Variants in OR8K3 observed in about 807,000 individuals in gnomAD.
OR8K3 encodes the protein olfactory receptor 8K3.
For missense variants in OR8K3, 448 were observed against 367.4 expected (o/e 1.22, Z -1.79); for synonymous variants, 167 against 138.8 (o/e 1.20, Z -1.43).
rs188611426 is a variant in OR8K3 at position 56,316,388 on chromosome 11, T to A, written c.-24+331T>A. On this transcript the variant is annotated intron_variant, in intron 2 of 2. Coordinates refer to ENST00000641662, the MANE Select transcript of OR8K3 (RefSeq NM_001005202.2). ...TCACTATAATTTTCATTGTAAAAAC[T>A]ATTTTCTTTCTTTTCTTTTTTCAAA... Among the ~76,000 whole-genome samples the A allele has an allele frequency of 6.6e-5, 10 of 151,340 alleles. No homozygotes were observed. The East Asian group carries it at 1.9e-3, about 29-fold the overall frequency.
Position 56,319,137 on chromosome 11 carries a change from C to T in OR8K3, c.831C>T (p.Tyr277=), listed in dbSNP as rs1854490527. The T allele has an allele frequency of 1.2e-6, 2 of 1,613,510 alleles. No individual in the cohort carries two copies. Among genetic ancestry groups the T allele is most frequent in the Non-Finnish European group, 1.7e-6 (2 of 1,179,420 alleles). ...FDTDKVASIF[Y]TLVIPMLNPL... ...CTGATAAAGTGGCTTCCATATTTTA[C>T]ACCCTGGTTATCCCCATGTTGAATC... is the stretch of plus-strand genomic sequence containing the variant. The change falls in exon 3 of 3, where the codon TAC becomes TAT. Residue 277 remains tyrosine, a synonymous_variant. Coordinates refer to ENST00000641662, the MANE Select transcript of OR8K3 (RefSeq NM_001005202.2).
At position 56,318,807 on chromosome 11, in the gene OR8K3, C is replaced by A; in HGVS notation, c.501C>A (p.Ser167=). The change falls in exon 3 of 3, where the codon TCC becomes TCA. Residue 167 remains serine (S), a synonymous_variant. Transcript: ENST00000641662. The part of the protein sequence containing the change: ...LLVTIKIFTL[S]FCGYNVISHF... Reference sequence around the variant, plus strand: ...TCACCATAAAGATTTTTACTTTATCCTTCTGTGGCTACAACGTCATTAGTC... The same window carrying A: ...TCACCATAAAGATTTTTACTTTATCATTCTGTGGCTACAACGTCATTAGTC... The A allele has an allele frequency of 6.2e-7, 1 of 1,614,014 alleles. No individual in the cohort carries two copies. The highest frequency in any genetic ancestry group is 1.1e-5 in the South Asian group (1 of 91,078).
chr11:56,316,888 ATT>A (rs957673028), intron 2 of OR8K3, among the ~76,000 whole-genome samples: 1 of 152,034 alleles, frequency 6.6e-6, no homozygotes, highest in Non-Finnish European at 1.5e-5. Flanking sequence ...TCTCAATTAT[ATT>A]GAGAATAAAA....
At chr11:56,316,527 A>G (rs1854445522) in intron 2 of OR8K3, among the ~76,000 whole-genome samples, 1 of 151,898 alleles carries the variant, frequency 6.6e-6, no homozygotes, top group Non-Finnish European at 1.5e-5. Flanking sequence ...GGATATTTAG[A>G]TATATATTTA....
chr11:56,318,197 G>C, intron 2 of OR8K3, 87 bp from the exon 3 acceptor site: 2 of 636,250 alleles, frequency 3.1e-6, no homozygotes, highest in South Asian at 4.6e-5. Flanking sequence ...GTGAAATTTA[G>C]GTATATCTTC....
intron 2 of OR8K3, 139 bp from the exon 3 acceptor site, chr11:56,318,145 T>C (rs906302891): frequency 5.5e-6 from 3 of 543,698 alleles, no homozygotes; most frequent in Middle Eastern, 3.8e-4. Context: ...TATTTAAACA[T>C]GTTTTTATTT....
In OR8K3 at chr11:56,320,170, G is replaced by A. The variant is rs1854506670; in HGVS notation, c.*925G>A. 1.3e-5 allele frequency: 2 copies of A among 152,190 alleles called. No individual in the cohort carries two copies. The highest frequency in any genetic ancestry group is 4.8e-5 in the African/African-American group (2 of 41,456). 9.4% of individuals were successfully genotyped at this position (152,190 alleles called of 1,614,324 possible). ...AATTAACTTTGTAGTCTCTCACTGA[G>A]TTGACAATCCATAATTTTTATCAAT... On this transcript the variant is annotated 3_prime_UTR_variant, in exon 3 of 3. Coordinates refer to ENST00000641662, the MANE Select transcript of OR8K3 (RefSeq NM_001005202.2).
chr11:56,316,327 G>T (rs1157231380), intron 2 of OR8K3, among the ~76,000 whole-genome samples: 2 of 151,732 alleles, frequency 1.3e-5, no homozygotes, highest in Admixed American at 1.3e-4. Flanking sequence ...ACAATTGCTT[G>T]TCTTTATTTT....
At chr11:56,316,403 CTT>C (rs1163135248) in intron 2 of OR8K3, among the ~76,000 whole-genome samples, 1 of 142,722 alleles carries the variant, frequency 7.0e-6, no homozygotes, top group Non-Finnish European at 1.5e-5. Context: ...TCTTTCTTTT[CTT>C]TTTTCAAAAA....
At position 56,318,512 on chromosome 11, in the gene OR8K3, T is replaced by G. The variant is rs1340952966; in HGVS notation, c.206T>G (p.Met69Arg). The part of the protein sequence containing the change: ...MYFFLRHLAF[M>R]DLGYSTTVGP... ...TTTTTTCTCAGACATCTGGCTTTCATGGATCTTGGTTATTCAACAACTGTG... is the reference window on the plus strand; with the variant it reads ...TTTTTTCTCAGACATCTGGCTTTCAGGGATCTTGGTTATTCAACAACTGTG... The change falls in exon 3 of 3, where the codon ATG (methionine) becomes AGG (arginine). Residue 69 changes from methionine to arginine, a missense_variant. Met to Arg is a moderately conservative substitution (Grantham distance 91). Transcript: ENST00000641662. 6.2e-7 allele frequency: 1 copy of G among 1,614,070 alleles called. No individual in the cohort carries two copies. The highest frequency in any genetic ancestry group is 1.1e-5 in the South Asian group (1 of 91,076).
chr11:56,318,929 T>G lies in OR8K3; in HGVS notation c.623T>G (p.Ile208Ser). 1 of 1,614,156 alleles carries G rather than the reference T, an allele frequency of 6.2e-7. No homozygotes were observed. The highest frequency in any genetic ancestry group is 8.5e-7 in the Non-Finnish European group (1 of 1,179,992). The change falls in exon 3 of 3, where the codon ATT becomes AGT. Residue 208 changes from isoleucine to serine, a missense_variant. Coordinates refer to ENST00000641662, the MANE Select transcript of OR8K3 (RefSeq NM_001005202.2). ...IILIFAAIDL[I>S]SSLLIVLLSY... ...CTGATCTTTGCAGCTATTGATTTGA[T>G]TTCATCTCTTCTGATAGTTCTTTTA...
chr11:56,318,920 T>C lies in OR8K3; in HGVS notation c.614T>C (p.Ile205Thr), dbSNP rs142037369. 6.5e-5 allele frequency: 105 copies of C among 1,614,102 alleles called. No homozygotes were observed. The Middle Eastern group carries it at 6.6e-4, about 10-fold the overall frequency. Residue 205 changes from isoleucine to threonine, a missense_variant, in exon 3 of 3, where the codon ATT becomes ACT. Transcript: ENST00000641662. ...IELIILIFAA[I>T]DLISSLLIVL... ...TTGATAATTCTGATCTTTGCAGCTA[T>C]TGATTTGATTTCATCTCTTCTGATA...
At chr11:56,316,318 C>A (rs1017230733) in intron 2 of OR8K3, among the ~76,000 whole-genome samples, 1 of 151,802 alleles carries the variant, frequency 6.6e-6, no homozygotes, top group Admixed American at 6.6e-5. Context: ...TAATGTAACA[C>A]AATTGCTTGT....
intron 2 of OR8K3, among the ~76,000 whole-genome samples, chr11:56,317,894 T>C (rs970539747): frequency 3.9e-5 from 6 of 152,162 alleles, no homozygotes; most frequent in African/African-American, 1.4e-4. Flanking sequence ...TCTATTCATG[T>C]ATCTCATCAG....
chr11:56,318,643 T>C lies in OR8K3; in HGVS notation c.337T>C (p.Phe113Leu). The C allele has an allele frequency of 6.2e-7, 1 of 1,613,860 alleles. No individual in the cohort carries two copies. Among genetic ancestry groups the C allele is most frequent in the Non-Finnish European group, 8.5e-7 (1 of 1,179,748 alleles). Residue 113 changes from phenylalanine (F) to leucine (L), a missense_variant, in exon 3 of 3, where the codon TTT becomes CTT. Coordinates refer to ENST00000641662, the MANE Select transcript of OR8K3 (RefSeq NM_001005202.2). ...TCTTGTGTTCATTGGTAGTGAACTT[T>C]TTATTCTCTCAGCCATGTCCTACGA... is the stretch of plus-strand genomic sequence containing the variant. ...FFLVFIGSEL[F>L]ILSAMSYDLY...
In OR8K3 at chr11:56,319,426, C is replaced by A; in HGVS notation, c.*181C>A. 1 of 570,880 alleles carries A rather than the reference C, an allele frequency of 1.8e-6. No individual in the cohort carries two copies. The highest frequency in any genetic ancestry group is 3.1e-6 in the Non-Finnish European group (1 of 322,020). The allele number at this position is 570,880 out of a possible 1,614,324, so 35.4% of individuals were successfully genotyped here. A position where few individuals can be genotyped will look rare whatever the true frequency, so the allele number is the denominator to read the frequency against. ...ACAAAATAGTAGAAATCTTTGCCTT[C>A]CTTGATGGATAGATGAATTGTATTC... is the stretch of plus-strand genomic sequence containing the variant. On this transcript the variant is annotated 3_prime_UTR_variant, in exon 3 of 3. Transcript: ENST00000641662.
At position 56,320,536 on chromosome 11, in the gene OR8K3, CAT is replaced by C; in HGVS notation, c.*1293_*1294del. On this transcript the variant is annotated 3_prime_UTR_variant, in exon 3 of 3. Coordinates refer to ENST00000641662, the MANE Select transcript of OR8K3 (RefSeq NM_001005202.2). ...CTACAATATTTTCTTGGTTCACCATCATAAAATAAAATCCCATGTGCAGCCAA... is the reference window on the plus strand; with the variant it reads ...CTACAATATTTTCTTGGTTCACCATCAAAATAAAATCCCATGTGCAGCCAA... 1 of 152,252 alleles carries C rather than the reference CAT, an allele frequency of 6.6e-6. No individual in the cohort carries two copies. Among genetic ancestry groups the C allele is most frequent in the Non-Finnish European group, 1.5e-5 (1 of 68,016 alleles). The allele number at this position is 152,252 out of a possible 1,614,324, so 9.4% of individuals were successfully genotyped here.
In OR8K3 at chr11:56,320,482, T is replaced by A. The variant is rs983772200; in HGVS notation, c.*1237T>A. 2 of 152,238 alleles carry A rather than the reference T, an allele frequency of 1.3e-5. No homozygotes were observed. The highest frequency in any genetic ancestry group is 2.9e-5 in the Non-Finnish European group (2 of 68,032). The allele number at this position is 152,238 out of a possible 1,614,324, so 9.4% of individuals were successfully genotyped here. ...TGATTTCCTTTATTCTTTTTAATAA[T>A]CCTAAGAATTTATTGAAAGTATCAG... On this transcript the variant is annotated 3_prime_UTR_variant, in exon 3 of 3. Coordinates refer to ENST00000641662, the MANE Select transcript of OR8K3 (RefSeq NM_001005202.2).
At position 56,318,702 on chromosome 11, in the gene OR8K3, C is replaced by T; in HGVS notation, c.396C>T (p.Tyr132=). The change falls in exon 3 of 3, where the codon TAC becomes TAT. Residue 132 remains tyrosine (Y), a synonymous_variant. Transcript: ENST00000641662. ...TGGCCATCTGTAACCCTCTGCTATACACAGTAATCATGTCACGAAGGGTAT... is the reference window on the plus strand; with the variant it reads ...TGGCCATCTGTAACCCTCTGCTATATACAGTAATCATGTCACGAAGGGTAT... ...LYVAICNPLL[Y]TVIMSRRVCQ... is the part of the protein sequence containing the mutation. 6.2e-7 allele frequency: 1 copy of T among 1,613,910 alleles called. No homozygotes were observed. Among genetic ancestry groups the T allele is most frequent in the Non-Finnish European group, 8.5e-7 (1 of 1,179,860 alleles).
Sources: gnomAD v4.1 joint callset for allele counts (sites outside exome capture counted in the v4.1 genomes callset) on GRCh38, gnomAD v4.1.1 for gene constraint, MANE v1.5 for transcripts, NCBI Gene and HGNC (gene_info 2026-07-23, HGNC 2026-07-21) for gene names.